OR4K1: variants seen among roughly 807,000 people sequenced by gnomAD.
The protein encoded by OR4K1 is olfactory receptor 4K1.
In OR4K1, 16 loss-of-function variants were observed where a neutral mutation model predicts 14.4. The ratio of observed to expected loss-of-function variants is 1.11; its 90% confidence interval spans 0.75 to 1.68. OR4K1 has a LOEUF of 1.68. Ranked by LOEUF, OR4K1 falls within the 40% of genes most tolerant of loss-of-function variation. OR4K1 has a pLI of 0.00. For synonymous variants in OR4K1, 181 were observed against 133.1 expected (o/e 1.36, Z -2.48); for missense variants, 548 against 376.9 (o/e 1.45, Z -3.76).
At position 19,936,139 on chromosome 14, in the gene OR4K1, G is replaced by C; in HGVS notation, c.473G>C (p.Ser158Thr). 1 of 1,614,210 alleles carries C rather than the reference G, an allele frequency of 6.2e-7. No homozygotes were observed. Among genetic ancestry groups the C allele is most frequent in the Non-Finnish European group, 8.5e-7 (1 of 1,180,028 alleles). ...SWAVGVLHSV[S>T]HLAFTVDLPF... ...GCGGTGGGCGTTCTTCATTCTGTGAGCCACTTGGCTTTTACAGTGGACCTG... is the reference window on the plus strand; with the variant it reads ...GCGGTGGGCGTTCTTCATTCTGTGACCCACTTGGCTTTTACAGTGGACCTG... Residue 158 changes from serine to threonine, a missense_variant, in exon 2 of 2, where the codon AGC (serine) becomes ACC (threonine). Coordinates refer to ENST00000641172, the MANE Select transcript of OR4K1 (RefSeq NM_001004063.3).
At chr14:19,926,868 G>GA (rs1390661454), upstream of OR4K1, among the ~76,000 whole-genome samples, 2 of 152,148 alleles carry the variant, frequency 1.3e-5, no homozygotes, top group African/African-American at 4.8e-5. Context: ...TAGGATTCCA[G>GA]AAAAAAAGCT....
rs201484529 is a variant in OR4K1, at chr14:19,936,231, T to A, written c.565T>A (p.Cys189Ser). ...CDLPLVIELA[C>S]MDTYEMEIMT... ...CCTTCCCTTGGTGATAGAGCTGGCT[T>A]GCATGGATACATATGAAATGGAAAT... The change falls in exon 2 of 2, where the codon TGC (cysteine) becomes AGC (serine). Residue 189 changes from cysteine (C) to serine (S), a missense_variant. Coordinates refer to ENST00000641172, the MANE Select transcript of OR4K1 (RefSeq NM_001004063.3). The A allele has an allele frequency of 1.9e-6, 3 of 1,614,258 alleles. No individual in the cohort carries two copies. In the East Asian group the frequency reaches 6.7e-5, roughly 36 times the overall value.
intron 1 of OR4K1, 38 bp from the exon 2 acceptor site, chr14:19,935,610 C>G: frequency 7.3e-7 from 1 of 1,377,518 alleles, no homozygotes; most frequent in South Asian, 1.4e-5. Flanking sequence ...TATTGTAATG[C>G]CAATCATTGT....
In OR4K1 at chr14:19,936,228, G is replaced by A. The variant is rs142845996; in HGVS notation, c.562G>A (p.Ala188Thr). ...FCDLPLVIEL[A>T]CMDTYEMEIM... ...TGACCTTCCCTTGGTGATAGAGCTG[G>A]CTTGCATGGATACATATGAAATGGA... is the stretch of plus-strand genomic sequence containing the variant. Residue 188 changes from alanine to threonine, a missense_variant, in exon 2 of 2, where the codon GCT becomes ACT. Physicochemically the swap from Ala to Thr is moderately conservative, Grantham distance 58 (BLOSUM62 0). Coordinates refer to ENST00000641172, the MANE Select transcript of OR4K1 (RefSeq NM_001004063.3). The A allele has an allele frequency of 1.9e-6, 3 of 1,614,098 alleles. No individual in the cohort carries two copies. Among genetic ancestry groups the A allele is most frequent in the South Asian group, 2.2e-5 (2 of 91,086 alleles).
chr14:19,931,974 G>C (rs889650105), intron 1 of OR4K1, among the ~76,000 whole-genome samples: 8 of 152,218 alleles, frequency 5.3e-5, no homozygotes, highest in African/African-American at 1.9e-4. Flanking sequence ...CAGCCAGCAA[G>C]TAGCAAATGT....
chr14:19,935,971 T>C lies in OR4K1; in HGVS notation c.305T>C (p.Phe102Ser). The C allele has an allele frequency of 6.2e-7, 1 of 1,614,274 alleles. No individual in the cohort carries two copies. Among genetic ancestry groups the C allele is most frequent in the Non-Finnish European group, 8.5e-7 (1 of 1,180,046 alleles). The change falls in exon 2 of 2, where the codon TTC (phenylalanine) becomes TCC (serine). Residue 102 changes from phenylalanine (F) to serine (S), a missense_variant. By Grantham distance (155) the Phe-to-Ser change is radical. Transcript: ENST00000641172. ...TTTGAGGGTTGCATGGCCCAGATAT[T>C]CGTTCTTCACAGTTTTGTTGGGAGT... is the stretch of plus-strand genomic sequence containing the variant. ...ISFEGCMAQI[F>S]VLHSFVGSEM...
At chr14:19,924,639 A>G in the OR4K1 span, among the ~76,000 whole-genome samples, 9 of 152,216 alleles carry the variant, frequency 5.9e-5, no homozygotes, top group Non-Finnish European at 1.0e-4. Context: ...CGGTGTAGCT[A>G]TTCCTCAAAG....
Position 19,935,774 on chromosome 14 carries a change from G to A in OR4K1, c.108G>A (p.Val36=). The A allele has an allele frequency of 6.2e-7, 1 of 1,614,098 alleles. No individual in the cohort carries two copies. Among genetic ancestry groups the A allele is most frequent in the African/African-American group, 1.3e-5 (1 of 75,060 alleles). The change falls in exon 2 of 2, where the codon GTG becomes GTA. Residue 36 remains valine, a synonymous_variant. Coordinates refer to ENST00000641172, the MANE Select transcript of OR4K1 (RefSeq NM_001004063.3). ...TTGCCATCTTCTCTATAGTCTATGTGACATCAGTGCTAGGCAATGTCTTAA... is the reference window on the plus strand; with the variant it reads ...TTGCCATCTTCTCTATAGTCTATGTAACATCAGTGCTAGGCAATGTCTTAA... ...FFFAIFSIVY[V]TSVLGNVLII...
chr14:19,921,397 T>A, the OR4K1 span: 1 of 1,614,130 alleles, frequency 6.2e-7, no homozygotes, highest in Non-Finnish European at 8.5e-7. Context: ...CCCTTTACCA[T>A]CTCTCCTTTG....
Position 19,935,689 on chromosome 14 carries a change from T to A in OR4K1, c.23T>A (p.Met8Lys). 1 of 1,603,242 alleles carries A rather than the reference T, an allele frequency of 6.2e-7. No homozygotes were observed. Among genetic ancestry groups the A allele is most frequent in the South Asian group, 1.1e-5 (1 of 88,486 alleles). Residue 8 changes from methionine (M) to lysine (K), a missense_variant, in exon 2 of 2, where the codon ATG (methionine) becomes AAG (lysine). By Grantham distance (95) the Met-to-Lys change is moderately conservative. Transcript: ENST00000641172. The part of the protein sequence containing the change: MAHTNES[M>K]VSEFVLLGLS... ...TACATGGCTCACACAAATGAATCGATGGTGTCTGAGTTTGTACTTTTGGGA... is the reference window on the plus strand; with the variant it reads ...TACATGGCTCACACAAATGAATCGAAGGTGTCTGAGTTTGTACTTTTGGGA...
upstream of OR4K1, among the ~76,000 whole-genome samples, chr14:19,928,435 A>C (rs1353841739): frequency 6.6e-6 from 1 of 152,102 alleles, no homozygotes. Flanking sequence ...TGTGACTTCA[A>C]TTATGTTTAT....
chr14:19,929,623 C>T (rs146875393), upstream of OR4K1, among the ~76,000 whole-genome samples: 79 of 152,228 alleles, frequency 5.2e-4, no homozygotes, highest in Middle Eastern at 0.01. Flanking sequence ...TTCTAATCAT[C>T]CTGAGCAAAA....
Position 19,936,481 on chromosome 14 carries a change from CTG to C in OR4K1, c.819_820del (p.Phe274LeufsTer18). The C allele has an allele frequency of 1.2e-6, 2 of 1,613,984 alleles. No homozygotes were observed. The highest frequency in any genetic ancestry group is 1.7e-6 in the Non-Finnish European group (2 of 1,180,028). On this transcript the variant is annotated frameshift_variant, in exon 2 of 2. Coordinates refer to ENST00000641172, the MANE Select transcript of OR4K1 (RefSeq NM_001004063.3). LOFTEE classifies it high-confidence loss of function. ...AGACTTCCTGTGGACAAATTTCTTTCTGTGTTCTACACTGTTTGTACTCCCTT... is the reference window on the plus strand; with the variant it reads ...AGACTTCCTGTGGACAAATTTCTTTCTGTTCTACACTGTTTGTACTCCCTT...
the OR4K1 span, among the ~76,000 whole-genome samples, chr14:19,925,395 G>T: frequency 1.3e-5 from 2 of 152,120 alleles, no homozygotes; most frequent in Non-Finnish European, 2.9e-5. Flanking sequence ...GTTCACACAG[G>T]CTCTGTATTA....
At chr14:19,924,227 C>A in the OR4K1 span, among the ~76,000 whole-genome samples, 2,062 of 151,848 alleles carry the variant, frequency 0.014, 37 homozygotes, top group African/African-American at 0.048. Flanking sequence ...ATAGAGAAAA[C>A]CCCTCTCTAC....
At chr14:19,925,061 C>A in the OR4K1 span, among the ~76,000 whole-genome samples, 3 of 151,594 alleles carry the variant, frequency 2.0e-5, no homozygotes, top group Non-Finnish European at 4.4e-5. Context: ...ATTAAAAATT[C>A]TTTTTTTTTC....
the OR4K1 span, among the ~76,000 whole-genome samples, chr14:19,924,218 T>C: frequency 6.6e-6 from 1 of 152,008 alleles, no homozygotes; most frequent in Non-Finnish European, 1.5e-5. Context: ...CTGACCAACA[T>C]AGAGAAAACC....
chr14:19,923,540 T>C, the OR4K1 span, among the ~76,000 whole-genome samples: 2 of 152,328 alleles, frequency 1.3e-5, no homozygotes, highest in African/African-American at 4.8e-5. Context: ...TATTAACTTA[T>C]AGAGAATGAC....
upstream of OR4K1, among the ~76,000 whole-genome samples, chr14:19,929,089 G>A (rs1274385321): frequency 1.3e-5 from 2 of 151,780 alleles, no homozygotes; most frequent in African/African-American, 2.4e-5. Flanking sequence ...AAATCTTCAC[G>A]TGCTTTTTTC....
Sources: allele counts gnomAD v4.1 joint callset (sites outside exome capture counted in the v4.1 genomes callset), GRCh38; gene constraint gnomAD v4.1.1; transcripts MANE v1.5; gene names NCBI Gene and HGNC (gene_info 2026-07-23, HGNC 2026-07-21).